The following WDR17 variants were observed in gnomAD, a reference collection of about 807,000 sequenced individuals.
WDR17 encodes WD repeat-containing protein 17.
WDR17 carries 143 observed loss-of-function variants against 161.7 expected under a neutral mutation model. That is an observed-to-expected ratio of 0.88 (90% CI 0.77 to 1.02). The LOEUF is 1.02. Ranked by LOEUF, WDR17 falls within the 50% of genes least tolerant of loss-of-function variation. WDR17 has a pLI of 0.00. For synonymous variants in WDR17, 517 were observed against 515.6 expected, an observed-to-expected ratio of 1.00 and a Z score of -0.04; for missense variants, 1,469 against 1,520.9, an observed-to-expected ratio of 0.97 and a Z score of 0.57.
chr4:176,142,153 G>A (rs891232872), intron 11 of WDR17, 84 bp downstream of exon 11: 4 of 1,105,478 alleles, frequency 3.6e-6, no homozygotes, highest in African/African-American at 1.6e-5. Flanking sequence ...TATTTCCAAA[G>A]GTAATATCTA....
intron 25 of WDR17, among the ~76,000 whole-genome samples, chr4:176,173,602 C>T (rs1211504947): frequency 1.3e-5 from 2 of 152,030 alleles, no homozygotes; most frequent in African/African-American, 4.8e-5. Flanking sequence ...CTGCAAGCTC[C>T]GCCTCCTGGG....
chr4:176,130,517 G>A (rs1743196427), intron 6 of WDR17, among the ~76,000 whole-genome samples: 1 of 152,030 alleles, frequency 6.6e-6, no homozygotes, highest in Non-Finnish European at 1.5e-5. Context: ...GGCCAAGGCG[G>A]GCAGATCACA....
At chr4:176,179,246 T>C (rs1279400445) in intron 28 of WDR17, among the ~76,000 whole-genome samples, 1 of 152,198 alleles carries the variant, frequency 6.6e-6, no homozygotes, top group Non-Finnish European at 1.5e-5. Context: ...TTAACAGATA[T>C]TAGGGTATAA....
At chr4:176,142,113 G>T in intron 11 of WDR17, 44 bp downstream of exon 11, 1 of 1,517,154 alleles carries the variant, frequency 6.6e-7, no homozygotes, top group Non-Finnish European at 9.1e-7. Flanking sequence ...CTACATTTTG[G>T]AAATTTTAAA....
chr4:176,075,421 A>G (rs1300821960), intron 1 of WDR17, among the ~76,000 whole-genome samples: 1 of 152,158 alleles, frequency 6.6e-6, no homozygotes, highest in Non-Finnish European at 1.5e-5. Flanking sequence ...ATAAGATTTT[A>G]AAGTTTTGAT....
In WDR17 at chr4:176,156,951, T is replaced by A. The variant is rs1561194348; in HGVS notation, c.2525+808T>A. On this transcript the variant is annotated intron_variant, in intron 18 of 28. Transcript: ENST00000508596. ...GTGTCTCTGTGCCCAGATTTCCTCTTCTTATAAGTCATGAGTCATATTGGA... is the reference window on the plus strand; with the variant it reads ...GTGTCTCTGTGCCCAGATTTCCTCTACTTATAAGTCATGAGTCATATTGGA... Among the ~76,000 whole-genome samples, 4 of 152,290 alleles carry A rather than the reference T, an allele frequency of 2.6e-5. No individual in the cohort carries two copies. The South Asian group carries it at 8.3e-4, about 32-fold the overall frequency.
In WDR17 at chr4:176,156,107, G is replaced by C; in HGVS notation, c.2489G>C (p.Gly830Ala). 1.2e-6 allele frequency: 2 copies of C among 1,613,694 alleles called. No individual in the cohort carries two copies. Among genetic ancestry groups the C allele is most frequent in the Non-Finnish European group, 1.7e-6 (2 of 1,179,794 alleles). Residue 830 changes from glycine to alanine, a missense_variant, in exon 18 of 29, where the codon GGA becomes GCA. Transcript: ENST00000508596. ...GACAAAGCCCTGTCAATTGCACCAG[G>C]AGTCTCTGTGAAATACTGGAAGAAG... ...EWDKALSIAP[G>A]VSVKYWKKLM... is the part of the protein sequence containing the mutation.
chr4:176,120,319 T>TATATATAA (rs1491272016), intron 4 of WDR17, among the ~76,000 whole-genome samples: 7 of 138,794 alleles, frequency 5.0e-5, no homozygotes, highest in African/African-American at 1.6e-4. Context: ...TATATATATA[T>TATATATAA]AATACATTCA....
intron 13 of WDR17, among the ~76,000 whole-genome samples, chr4:176,149,484 G>A (rs972851111): frequency 2.6e-5 from 4 of 151,976 alleles, no homozygotes; most frequent in South Asian, 2.1e-4. Context: ...TGCCCAGGCC[G>A]ATCTCAAACT....
chr4:176,163,041 G>C, intron 21 of WDR17, 113 bp from the exon 22 acceptor site: 1 of 1,300,538 alleles, frequency 7.7e-7, no homozygotes, highest in Non-Finnish European at 1.1e-6. Flanking sequence ...TATTTTATAA[G>C]AATAATTGAT....
intron 25 of WDR17, among the ~76,000 whole-genome samples, chr4:176,174,134 A>G (rs111820045): frequency 8.5e-5 from 13 of 152,220 alleles, no homozygotes; most frequent in Admixed American, 2.6e-4. Context: ...CTATATAACT[A>G]AAGCCCTCAG....
Position 176,145,630 on chromosome 4 carries a change from A to T in WDR17, c.1530-365A>T, listed in dbSNP as rs561115082. ...CAAATGTCATCACTCACCATTTGGG[A>T]TGCTTCTTAAGACCTAAGTGTTGCA... On this transcript the variant is annotated intron_variant, in intron 11 of 28. Transcript: ENST00000508596. Among the ~76,000 whole-genome samples, 23 of 152,348 alleles carry T rather than the reference A, an allele frequency of 1.5e-4. No homozygotes were observed. In the South Asian group the frequency reaches 2.9e-3, roughly 19 times the overall value.
At chr4:176,128,224 C>T (rs1230639911) in intron 5 of WDR17, among the ~76,000 whole-genome samples, 1 of 152,160 alleles carries the variant, frequency 6.6e-6, no homozygotes, top group Non-Finnish European at 1.5e-5. Flanking sequence ...GTTTGTGTAA[C>T]TGCCAGACTT....
intron 13 of WDR17, 38 bp downstream of exon 13, chr4:176,148,373 T>C: frequency 6.4e-7 from 1 of 1,558,262 alleles, no homozygotes; most frequent in South Asian, 1.1e-5. Flanking sequence ...TTTGTTATAT[T>C]GACATACTAA....
intron 1 of WDR17, 44 bp from the exon 2 acceptor site, chr4:176,111,531 C>T: frequency 3.2e-6 from 5 of 1,579,510 alleles, no homozygotes; most frequent in Non-Finnish European, 4.3e-6. Flanking sequence ...GGAAGTTTAT[C>T]AATAATGGAA....
Position 176,125,187 on chromosome 4 carries a change from G to A in WDR17, c.622G>A (p.Asp208Asn), listed in dbSNP as rs1275294779. 6.2e-7 allele frequency: 1 copy of A among 1,614,034 alleles called. No homozygotes were observed. The highest frequency in any genetic ancestry group is 1.3e-5 in the African/African-American group (1 of 74,902). ...EEDPVTALEW[D>N]PLSTDYLLVV... is the part of the protein sequence containing the mutation. ...GGATCCAGTTACGGCCTTGGAATGG[G>A]ACCCACTATCTACTGATTATCTTCT... is the stretch of plus-strand genomic sequence containing the variant. Residue 208 changes from aspartate to asparagine, a missense_variant, in exon 5 of 29, where the codon GAC becomes AAC. Coordinates refer to ENST00000508596, the MANE Select transcript of WDR17 (RefSeq NM_181265.4).
At chr4:176,135,428 C>A in intron 8 of WDR17, 152 bp downstream of exon 8, 1 of 905,456 alleles carries the variant, frequency 1.1e-6, no homozygotes, top group African/African-American at 1.7e-5. Flanking sequence ...TCTCTTTTTG[C>A]GAGGTTTAAG....
rs376599951 is a variant in WDR17, at chr4:176,119,966, A to G, written c.407A>G (p.Asp136Gly). The change falls in exon 4 of 29, where the codon GAT (aspartate) becomes GGT (glycine). Residue 136 changes from aspartate (D) to glycine (G), a missense_variant. Transcript: ENST00000508596. The stretch of plus-strand genomic sequence containing the variant: ...TTCATTTGGACCATCTCAGGACCAG[A>G]TAGTGGAGTGATTGTACACAAAGAT... ...PLFIWTISGP[D>G]SGVIVHKDAH... is the part of the protein sequence containing the mutation. The G allele has an allele frequency of 1.9e-6, 3 of 1,613,914 alleles. No homozygotes were observed. The highest frequency in any genetic ancestry group is 2.7e-5 in the African/African-American group (2 of 74,886).
chr4:176,112,084 G>A (rs1443074076), intron 2 of WDR17, among the ~76,000 whole-genome samples: 1 of 152,076 alleles, frequency 6.6e-6, no homozygotes, highest in Non-Finnish European at 1.5e-5. Flanking sequence ...ACAATTTATA[G>A]AGCCAAAAAC....
Sources: gnomAD v4.1 joint callset for allele counts (sites outside exome capture counted in the v4.1 genomes callset) on GRCh38, gnomAD v4.1.1 for gene constraint, MANE v1.5 for transcripts, NCBI Gene and HGNC (gene_info 2026-07-23, HGNC 2026-07-21) for gene names.